NCOA2: variants seen among roughly 807,000 people sequenced by gnomAD.
NCOA2 encodes the protein nuclear receptor coactivator 2.
NCOA2 carries 21 observed loss-of-function variants against 145.1 expected under a neutral mutation model. That is an observed-to-expected ratio of 0.14 (90% confidence interval 0.10 to 0.21). The LOEUF (loss-of-function observed/expected upper bound fraction) is 0.21. NCOA2 is among the 10% of genes least tolerant of loss of function. The pLI, the probability that NCOA2 is intolerant of heterozygous loss-of-function variation, is 1.00. For synonymous variants in NCOA2, 619 were observed against 637.5 expected (o/e 0.97, Z 0.44); for missense variants, 1,472 against 1,837.6 (o/e 0.80, Z 3.64).
At chr8:70,151,576 T>C (rs1490623572) in intron 11 of NCOA2, among the ~76,000 whole-genome samples, 1 of 152,158 alleles carries the variant, frequency 6.6e-6, no homozygotes, top group African/African-American at 2.4e-5. Flanking sequence ...GTGTGAGCCA[T>C]CGCGCCCGGC....
chr8:70,388,576 G>A (rs1812881652), intron 1 of NCOA2, among the ~76,000 whole-genome samples: 2 of 152,042 alleles, frequency 1.3e-5, no homozygotes. Context: ...CCTTCCCTAA[G>A]CGTAAGGTCT....
chr8:70,159,222 T>TTATATATATATATATATA (rs6150644), intron 10 of NCOA2, among the ~76,000 whole-genome samples: 1 of 44,490 alleles, frequency 2.2e-5, no homozygotes, highest in African/African-American at 6.7e-5. Context: ...CAGTATAACA[T>TTATATATATATATATATA]TATATATATA....
At chr8:70,182,980 C>T (rs892237608) in intron 4 of NCOA2, among the ~76,000 whole-genome samples, 2 of 152,302 alleles carry the variant, frequency 1.3e-5, no homozygotes, top group Middle Eastern at 3.4e-3. Flanking sequence ...TTTATTATGG[C>T]AGCATTCATT....
At chr8:70,364,865 G>C (rs1356249293) in intron 1 of NCOA2, among the ~76,000 whole-genome samples, 1 of 149,278 alleles carries the variant, frequency 6.7e-6, no homozygotes, top group Non-Finnish European at 1.5e-5. Context: ...GTGCACATCA[G>C]CATAGAGATT....
chr8:70,340,010 C>T (rs970800480), intron 1 of NCOA2, among the ~76,000 whole-genome samples: 9 of 152,096 alleles, frequency 5.9e-5, no homozygotes, highest in Non-Finnish European at 1.0e-4. Context: ...TAGGCAATAC[C>T]ATTCAGGACA....
intron 2 of NCOA2, among the ~76,000 whole-genome samples, chr8:70,221,827 T>A (rs1180889935): frequency 6.6e-6 from 1 of 152,212 alleles, no homozygotes; most frequent in Non-Finnish European, 1.5e-5. Flanking sequence ...AATGCTGGGA[T>A]GACAGCGCAC....
At chr8:70,220,472 C>G (rs1451883502) in intron 2 of NCOA2, among the ~76,000 whole-genome samples, 1 of 152,164 alleles carries the variant, frequency 6.6e-6, no homozygotes, top group Non-Finnish European at 1.5e-5. Flanking sequence ...GCCCTGTTTT[C>G]ACAGTGACCA....
chr8:70,146,991 T>C (rs1374828642), intron 12 of NCOA2, among the ~76,000 whole-genome samples: 1 of 152,122 alleles, frequency 6.6e-6, no homozygotes, highest in African/African-American at 2.4e-5. Flanking sequence ...GCGCCCAGCC[T>C]GTCTAGTGTG....
chr8:70,142,065 GTTAT>G (rs893318021), intron 13 of NCOA2, among the ~76,000 whole-genome samples: 4 of 152,178 alleles, frequency 2.6e-5, no homozygotes, highest in Non-Finnish European at 5.9e-5. Context: ...GGTGTTAACA[GTTAT>G]CTGACCACAC....
intron 4 of NCOA2, among the ~76,000 whole-genome samples, chr8:70,179,535 T>C (rs894372081): frequency 5.3e-5 from 8 of 152,330 alleles, no homozygotes; most frequent in East Asian, 3.9e-4. Flanking sequence ...GAGTATGCTA[T>C]TTTTATGTAC....
At chr8:70,349,230 C>T (rs1808955434) in intron 1 of NCOA2, among the ~76,000 whole-genome samples, 1 of 151,758 alleles carries the variant, frequency 6.6e-6, no homozygotes, top group South Asian at 2.1e-4. Context: ...CAAAAACATA[C>T]ACACATGAAA....
chr8:70,264,428 G>C (rs1175524393), intron 2 of NCOA2, among the ~76,000 whole-genome samples: 1 of 152,258 alleles, frequency 6.6e-6, no homozygotes, highest in Admixed American at 6.5e-5. Context: ...CCAGGAGTTA[G>C]AGGCTGCAGA....
chr8:70,406,401 G>A (rs1447998528), upstream of NCOA2, among the ~76,000 whole-genome samples: 2 of 152,178 alleles, frequency 1.3e-5, no homozygotes, highest in African/African-American at 4.8e-5. Context: ...TGAAAAGGTA[G>A]AGGAGGCGGT....
At chr8:70,133,960 TC>T (rs1435934446) in intron 15 of NCOA2, among the ~76,000 whole-genome samples, 1 of 152,172 alleles carries the variant, frequency 6.6e-6, no homozygotes, top group Non-Finnish European at 1.5e-5. Flanking sequence ...GTCACCTGCT[TC>T]CCCGACTTCC....
At chr8:70,226,389 C>G (rs1287646613) in intron 2 of NCOA2, among the ~76,000 whole-genome samples, 1 of 151,952 alleles carries the variant, frequency 6.6e-6, no homozygotes, top group Non-Finnish European at 1.5e-5. Flanking sequence ...AAGTAACCTG[C>G]TCTTTGGAAT....
At chr8:70,394,675 A>G (rs1057315909) in intron 1 of NCOA2, among the ~76,000 whole-genome samples, 1 of 152,200 alleles carries the variant, frequency 6.6e-6, no homozygotes, top group South Asian at 2.1e-4. Context: ...CCAATCTTAA[A>G]TTGTCTTAAT....
intron 1 of NCOA2, among the ~76,000 whole-genome samples, chr8:70,359,257 TC>T (rs1319581692): frequency 6.6e-6 from 1 of 152,054 alleles, no homozygotes; most frequent in Non-Finnish European, 1.5e-5. Context: ...AGACAGATAG[TC>T]AAACAAATAC....
the NCOA2 span, among the ~76,000 whole-genome samples, chr8:70,455,779 A>C: frequency 0.2 from 30,028 of 151,622 alleles, 3,258 homozygotes; most frequent in East Asian, 0.38. Flanking sequence ...AATTGTTTAG[A>C]TCATCTGAAG....
chr8:70,188,758 T>C (rs2133191757), intron 4 of NCOA2, among the ~76,000 whole-genome samples: 1 of 152,344 alleles, frequency 6.6e-6, no homozygotes, highest in East Asian at 1.9e-4. Context: ...AGAAAGATTA[T>C]ATTGCTTTGT....
Sources: gnomAD v4.1 joint callset for allele counts (sites outside exome capture counted in the v4.1 genomes callset) on GRCh38, gnomAD v4.1.1 for gene constraint, MANE v1.5 for transcripts, NCBI Gene and HGNC (gene_info 2026-07-23, HGNC 2026-07-21) for gene names.